Variants in ADAMTS17 observed in about 807,000 individuals in gnomAD.
ADAMTS17 encodes the protein A disintegrin and metalloproteinase with thrombospondin motifs 17.
ADAMTS17 carries 113 observed loss-of-function variants against 141.5 expected under a neutral mutation model. That is an observed-to-expected ratio of 0.80 (90% confidence interval 0.69 to 0.93). ADAMTS17 has a LOEUF of 0.93. Ranked by LOEUF, ADAMTS17 falls within the 40% of genes least tolerant of loss-of-function variation. The pLI is 0.00. For synonymous variants in ADAMTS17, 768 were observed against 630.6 expected (o/e 1.22, Z -3.27); for missense variants, 1,659 against 1,517.9 (o/e 1.09, Z -1.54).
chr15:100,068,676 C>T (rs144331869), intron 15 of ADAMTS17, among the ~76,000 whole-genome samples: 3,021 of 152,310 alleles, frequency 0.02, 52 homozygotes, highest in African/African-American at 0.042. Context: ...ATCCAACAGA[C>T]CTGTAGCTGA....
chr15:100,156,692 G>A (rs2039452520), intron 8 of ADAMTS17, among the ~76,000 whole-genome samples: 1 of 152,176 alleles, frequency 6.6e-6, no homozygotes, highest in Non-Finnish European at 1.5e-5. Flanking sequence ...AACAGATTTA[G>A]CCAGTAGCTA....
intron 7 of ADAMTS17, among the ~76,000 whole-genome samples, chr15:100,234,586 C>T (rs1473811300): frequency 6.6e-6 from 1 of 152,220 alleles, no homozygotes; most frequent in Admixed American, 6.5e-5. Context: ...ACTCCTTGGT[C>T]CAACACGTGA....
chr15:100,146,275 G>A (rs8038214), intron 10 of ADAMTS17, among the ~76,000 whole-genome samples: 6 of 152,202 alleles, frequency 3.9e-5, no homozygotes, highest in Admixed American at 6.5e-5. Context: ...TGGAGGGACC[G>A]GCTGAAGCCA....
At chr15:100,226,121 C>T (rs2042305213) in intron 7 of ADAMTS17, among the ~76,000 whole-genome samples, 1 of 152,092 alleles carries the variant, frequency 6.6e-6, no homozygotes, top group Non-Finnish European at 1.5e-5. Flanking sequence ...GCCATTCAGT[C>T]CTTACAGCAG....
At chr15:100,309,374 A>C (rs1279212185) in intron 3 of ADAMTS17, among the ~76,000 whole-genome samples, 2 of 152,192 alleles carry the variant, frequency 1.3e-5, no homozygotes, top group African/African-American at 2.4e-5. Context: ...CGCACAAAAA[A>C]TGGAATGGCT....
chr15:100,234,910 G>C (rs1221403871), intron 7 of ADAMTS17, among the ~76,000 whole-genome samples: 1 of 152,206 alleles, frequency 6.6e-6, no homozygotes, highest in Non-Finnish European at 1.5e-5. Context: ...GGAGACAATA[G>C]AAAATATCTG....
chr15:100,268,681 A>T (rs556507482), intron 4 of ADAMTS17, among the ~76,000 whole-genome samples: 1 of 152,322 alleles, frequency 6.6e-6, no homozygotes, highest in Non-Finnish European at 1.5e-5. Flanking sequence ...TCTGGATGTT[A>T]GACCTTTGTC....
At chr15:100,096,330 C>G (rs1277189425) in intron 15 of ADAMTS17, 26 bp downstream of exon 15, 2 of 1,612,100 alleles carry the variant, frequency 1.2e-6, no homozygotes, top group Non-Finnish European at 1.7e-6. Flanking sequence ...ACTGTAGCCA[C>G]AGCAGCCCCA....
intron 15 of ADAMTS17, among the ~76,000 whole-genome samples, chr15:100,069,110 A>G (rs2141710654): frequency 6.6e-6 from 1 of 152,352 alleles, no homozygotes; most frequent in East Asian, 1.9e-4. Flanking sequence ...AAGCCTCAGT[A>G]GCTGATTCGG....
chr15:100,282,448 G>A lies in ADAMTS17; in HGVS notation c.617-1047C>T, dbSNP rs76869834. On this transcript the variant is annotated intron_variant, in intron 3 of 21. Transcript: ENST00000268070. ...CCCTACATCTACTAGACTATGTTAC[G>A]TCCTATGCATACATACCTACGATGA... is the stretch of plus-strand genomic sequence containing the variant. Among the ~76,000 whole-genome samples the A allele has an allele frequency of 9.4e-3, 1,428 of 152,284 alleles. 14 individuals are homozygous for A. The highest frequency in any genetic ancestry group is 0.032 in the African/African-American group (1,338 of 41,542).
chr15:100,075,684 A>G (rs548544743), intron 15 of ADAMTS17, among the ~76,000 whole-genome samples: 14 of 152,288 alleles, frequency 9.2e-5, no homozygotes, highest in East Asian at 7.7e-4. Flanking sequence ...ATCTGTACAC[A>G]TATCTTTTTT....
intron 15 of ADAMTS17, among the ~76,000 whole-genome samples, chr15:100,094,418 C>A (rs1327634062): frequency 6.6e-6 from 1 of 152,254 alleles, no homozygotes; most frequent in Non-Finnish European, 1.5e-5. Flanking sequence ...GAGGACATTA[C>A]TGTGGCCAGA....
chr15:100,019,285 A>T (rs2061354333), intron 18 of ADAMTS17, among the ~76,000 whole-genome samples: 1 of 152,170 alleles, frequency 6.6e-6, no homozygotes, highest in Non-Finnish European at 1.5e-5. Context: ...ATGCATACAT[A>T]CCAACAGGGG....
intron 7 of ADAMTS17, among the ~76,000 whole-genome samples, chr15:100,205,971 A>C (rs544937037): frequency 6.6e-6 from 1 of 152,158 alleles, no homozygotes; most frequent in South Asian, 2.1e-4. Context: ...CTCCACACTG[A>C]GCCACGCACC....
intron 7 of ADAMTS17, among the ~76,000 whole-genome samples, chr15:100,228,839 C>T (rs935822491): frequency 5.3e-5 from 8 of 152,218 alleles, no homozygotes; most frequent in Non-Finnish European, 1.0e-4. Flanking sequence ...CCAGCTCTCC[C>T]TGCCTACCTG....
chr15:100,203,606 G>A (rs531240180), intron 7 of ADAMTS17, among the ~76,000 whole-genome samples: 1 of 152,346 alleles, frequency 6.6e-6, no homozygotes, highest in African/African-American at 2.4e-5. Context: ...TTGGGAGACT[G>A]AGGCAGGAGA....
intron 7 of ADAMTS17, among the ~76,000 whole-genome samples, chr15:100,240,975 G>A (rs111316930): frequency 0.016 from 2,443 of 152,122 alleles, 49 homozygotes; most frequent in South Asian, 0.057. Flanking sequence ...ACAGGTGCCC[G>A]CCACCAAGCC....
chr15:100,003,010 TG>T (rs2060960685), intron 18 of ADAMTS17, among the ~76,000 whole-genome samples: 1 of 152,038 alleles, frequency 6.6e-6, no homozygotes, highest in South Asian at 2.1e-4. Context: ...CCTCTGGGGC[TG>T]CCCCTGCCTC....
intron 14 of ADAMTS17, among the ~76,000 whole-genome samples, chr15:100,097,447 G>C (rs1447590999): frequency 6.6e-6 from 1 of 152,176 alleles, no homozygotes; most frequent in East Asian, 1.9e-4. Context: ...CGTGATGCCT[G>C]GACGAGAAGC....
Sources: allele counts gnomAD v4.1 joint callset (sites outside exome capture counted in the v4.1 genomes callset), GRCh38; gene constraint gnomAD v4.1.1; transcripts MANE v1.5; gene names NCBI Gene and HGNC (gene_info 2026-07-23, HGNC 2026-07-21).